Variants in MRC1 observed in about 807,000 individuals in gnomAD.
MRC1 encodes mannose receptor C-type 1, also known as macrophage mannose receptor 1.
In MRC1, 62 loss-of-function variants were observed where a neutral mutation model predicts 102.9. The observed-to-expected ratio is 0.60, with a 90% CI of 0.49 to 0.74. MRC1 has a LOEUF of 0.74. Ranked by LOEUF, MRC1 falls within the 30% of genes least tolerant of loss-of-function variation. MRC1 has a pLI of 0.00. For missense variants in MRC1, 1,237 were observed against 862.8 expected, an observed-to-expected ratio of 1.43 and a Z score of -5.43; for synonymous variants, 457 against 298.4, an observed-to-expected ratio of 1.53 and a Z score of -5.48.
intron 6 of MRC1, 125 bp from the exon 7 acceptor site, chr10:17,849,454 A>G (rs1405000776): frequency 9.7e-5 from 60 of 617,562 alleles, no homozygotes; most frequent in African/African-American, 7.8e-4. Flanking sequence ...ATAAAAACTA[A>G]ATGTTACCTT....
intron 22 of MRC1, among the ~76,000 whole-genome samples, chr10:17,886,402 T>C (rs528905): frequency 0.83 from 124,247 of 149,862 alleles, 51,608 homozygotes; most frequent in Non-Finnish European, 0.86. Flanking sequence ...CCCTCTCCCT[T>C]TTTCACTCTG....
chr10:17,880,800 G>C, intron 20 of MRC1, 130 bp downstream of exon 20: 1 of 756,858 alleles, frequency 1.3e-6, no homozygotes, highest in Non-Finnish European at 2.4e-6. Context: ...GTGAAAATTC[G>C]CGTGACAAAC....
intron 22 of MRC1, among the ~76,000 whole-genome samples, chr10:17,892,315 A>G (rs1230877231): frequency 2.6e-5 from 4 of 152,146 alleles, no homozygotes; most frequent in African/African-American, 9.7e-5. Context: ...ACAGTTTTTA[A>G]TTTTCAAACT....
At chr10:17,812,273 C>T (rs1049603927) in intron 1 of MRC1, among the ~76,000 whole-genome samples, 1,700 of 152,264 alleles carry the variant, frequency 0.011, 9 homozygotes, top group Non-Finnish European at 0.017. Context: ...AGCAAGGTTT[C>T]CAGCTCAGTT....
Position 17,845,284 on chromosome 10 carries a change from C to G in MRC1, c.917-5C>G, listed in dbSNP as rs781914541. On this transcript the variant is annotated splice_region_variant and splice_polypyrimidine_tract_variant and intron_variant, in intron 5 of 29. Coordinates refer to ENST00000569591, the MANE Select transcript of MRC1 (RefSeq NM_002438.4). ...GTCCACTTTAACTTTTCCTTTTCCT[C>G]GAAGGAAGTCCATCAGCTGAACCTG... 20 of 780,736 alleles carry G rather than the reference C, an allele frequency of 2.6e-5. No individual in the cohort carries two copies. The highest frequency in any genetic ancestry group is 2.3e-4 in the South Asian group (17 of 74,606). 48.4% of individuals were successfully genotyped at this position (780,736 alleles called of 1,614,324 possible).
intron 11 of MRC1, among the ~76,000 whole-genome samples, chr10:17,866,214 A>T (rs953286330): frequency 0.027 from 4,130 of 152,196 alleles, 90 homozygotes; most frequent in Middle Eastern, 0.075. Flanking sequence ...CCTTAGTGGG[A>T]GGAAAAGAAT....
intron 1 of MRC1, among the ~76,000 whole-genome samples, chr10:17,815,654 G>T (rs1481969169): frequency 6.6e-6 from 1 of 152,092 alleles, no homozygotes; most frequent in Non-Finnish European, 1.5e-5. Context: ...CCTCTGTTTT[G>T]TCCTTGTGGT....
In MRC1 at chr10:17,838,994, T is replaced by C. The variant is rs887216699; in HGVS notation, c.803-1699T>C. 1.6e-4 allele frequency among the ~76,000 whole-genome samples: 24 copies of C among 152,322 alleles called. No individual in the cohort carries two copies. In the South Asian group the frequency reaches 5.0e-3, roughly 32 times the overall value. ...CCCATCTGCTTTAAGAGATATATTTTAACCCAAGATTTGAATTTTGCTTCT... is the reference window on the plus strand; with the variant it reads ...CCCATCTGCTTTAAGAGATATATTTCAACCCAAGATTTGAATTTTGCTTCT... On this transcript the variant is annotated intron_variant, in intron 4 of 29. Transcript: ENST00000569591.
Position 17,828,178 on chromosome 10 carries a change from G to A in MRC1, c.637+463G>A, listed in dbSNP as rs562147212. Among the ~76,000 whole-genome samples, 1,129 of 152,246 alleles carry A rather than the reference G, an allele frequency of 7.4e-3. 3 individuals are homozygous for A. Among genetic ancestry groups the A allele is most frequent in the Middle Eastern group, 0.02 (6 of 294 alleles). ...TGCAAGCTCCGCCTCCCGAGTTCAC[G>A]CCCTTCTCCTGCCTCAGCCTCCCGA... On this transcript the variant is annotated intron_variant, in intron 3 of 29. Transcript: ENST00000569591.
chr10:17,847,926 C>CT (rs5783563), intron 6 of MRC1, among the ~76,000 whole-genome samples: 95 of 147,340 alleles, frequency 6.4e-4, no homozygotes, highest in Admixed American at 1.3e-3. Flanking sequence ...TCTTTTTCTT[C>CT]TTTTTTTTTT....
chr10:17,868,191 T>TA (rs2130672359), intron 12 of MRC1, among the ~76,000 whole-genome samples: 1 of 152,342 alleles, frequency 6.6e-6, no homozygotes, highest in East Asian at 1.9e-4. Context: ...GAAATGTACC[T>TA]ACTGTGTTAG....
intron 22 of MRC1, among the ~76,000 whole-genome samples, chr10:17,890,508 T>C (rs1833656822): frequency 6.6e-6 from 1 of 152,260 alleles, no homozygotes; most frequent in Non-Finnish European, 1.5e-5. Flanking sequence ...GAATTTCCTT[T>C]TGATCCTTTC....
chr10:17,842,325 T>C (rs1838764475), intron 5 of MRC1, among the ~76,000 whole-genome samples: 1 of 152,216 alleles, frequency 6.6e-6, no homozygotes, highest in African/African-American at 2.4e-5. Context: ...AATAAAATAA[T>C]ATTTCAAATA....
intron 9 of MRC1, among the ~76,000 whole-genome samples, chr10:17,858,096 T>A (rs1189614135): frequency 6.6e-6 from 1 of 152,206 alleles, no homozygotes; most frequent in Non-Finnish European, 1.5e-5. Flanking sequence ...TTAAAATGTT[T>A]ACAGAAAAAG....
intron 23 of MRC1, among the ~76,000 whole-genome samples, chr10:17,895,257 A>G (rs1224262696): frequency 6.6e-6 from 1 of 152,092 alleles, no homozygotes; most frequent in African/African-American, 2.4e-5. Flanking sequence ...AATAAAATAT[A>G]TGATCATTTC....
intron 12 of MRC1, among the ~76,000 whole-genome samples, chr10:17,868,042 T>C (rs1833301754): frequency 6.6e-6 from 1 of 152,054 alleles, no homozygotes; most frequent in African/African-American, 2.4e-5. Context: ...TCAAATTCAC[T>C]GAAGCAAACA....
intron 18 of MRC1, among the ~76,000 whole-genome samples, chr10:17,879,378 G>A (rs987036714): frequency 3.8e-4 from 58 of 152,122 alleles, no homozygotes; most frequent in Middle Eastern, 3.4e-3. Flanking sequence ...TTATGAGGTG[G>A]AGCTTTGCTC....
intron 17 of MRC1, among the ~76,000 whole-genome samples, chr10:17,877,258 T>C (rs1833449487): frequency 6.8e-6 from 1 of 148,016 alleles, no homozygotes; most frequent in African/African-American, 2.5e-5. Flanking sequence ...ATATGTAATA[T>C]ATACATAAAA....
chr10:17,843,222 G>GA (rs574043436), intron 5 of MRC1, among the ~76,000 whole-genome samples: 125,967 of 151,960 alleles, frequency 0.83, 52,429 homozygotes, highest in East Asian at 1. Flanking sequence ...CTTAGAGCTA[G>GA]AAATGTATTT....
Sources: allele counts gnomAD v4.1 joint callset (sites outside exome capture counted in the v4.1 genomes callset), GRCh38; gene constraint gnomAD v4.1.1; transcripts MANE v1.5; gene names NCBI Gene and HGNC (gene_info 2026-07-23, HGNC 2026-07-21).